Variants in RNF212B observed in about 807,000 individuals in gnomAD.
The protein encoded by RNF212B is E3 ubiquitin-protein ligase RNF212B.
RNF212B carries 52 observed loss-of-function variants against 55.5 expected under a neutral mutation model. That is an observed-to-expected ratio of 0.94 (90% CI 0.75 to 1.18). The LOEUF (loss-of-function observed/expected upper bound fraction) is 1.18, where lower values mean the gene tolerates loss of function less well. RNF212B is among the 50% of genes most tolerant of loss of function. RNF212B has a pLI of 0.00. For missense variants in RNF212B, 289 were observed against 350.4 expected, an observed-to-expected ratio of 0.82 and a Z score of 1.40; for synonymous variants, 99 against 121.4, an observed-to-expected ratio of 0.82 and a Z score of 1.21.
Position 23,258,666 on chromosome 14 carries a change from T to A in RNF212B, c.344+2T>A. The A allele has an allele frequency of 7.3e-7, 1 of 1,374,712 alleles. No individual in the cohort carries two copies. The highest frequency in any genetic ancestry group is 9.8e-7 in the Non-Finnish European group (1 of 1,016,526). 85.2% of individuals were successfully genotyped at this position (1,374,712 alleles called of 1,614,324 possible). ...GCAAGCACTGGTGAGCCAGGACAAG[T>A]AAGTAACAAATCAAGTCCCAAGAGA... On this transcript the variant is annotated splice_donor_variant, in intron 5 of 14. Transcript: ENST00000430154. LOFTEE classifies it high-confidence loss of function.
At chr14:23,236,961 CTT>C (rs1462199563), upstream of RNF212B, among the ~76,000 whole-genome samples, 19 of 137,962 alleles carry the variant, frequency 1.4e-4, no homozygotes, top group Admixed American at 1.5e-4. Flanking sequence ...CTGTCTCTCT[CTT>C]TTTTTTTTTT....
chr14:23,261,142 G>C (rs1399789394), intron 7 of RNF212B, among the ~76,000 whole-genome samples: 2 of 152,152 alleles, frequency 1.3e-5, no homozygotes, highest in Non-Finnish European at 2.9e-5. Flanking sequence ...TAGCAACTTA[G>C]AACTTATGAA....
At chr14:23,191,239 C>A (rs1304399354) in intron 1 of RNF212B, among the ~76,000 whole-genome samples, 4 of 151,868 alleles carry the variant, frequency 2.6e-5, no homozygotes, top group Non-Finnish European at 5.9e-5. Context: ...CACCTGTAGT[C>A]CCAGCTACTT....
intron 2 of RNF212B, among the ~76,000 whole-genome samples, chr14:23,193,621 C>T (rs888859826): frequency 1.3e-5 from 2 of 151,886 alleles, no homozygotes; most frequent in African/African-American, 4.8e-5. Context: ...GAAGAACTAG[C>T]GATAGTGACA....
rs1368872559 is a variant in RNF212B at position 23,230,689 on chromosome 14, G to A, written c.-1-9656G>A. ...AAAAAAAAAAAAAAAAAAAACCATT[G>A]CCAAATACAAGGTCATGAAGATTTT... On this transcript the variant is annotated intron_variant, in intron 2 of 15. Transcript: ENST00000399910. Among the ~76,000 whole-genome samples the A allele has an allele frequency of 3.7e-5, 5 of 134,002 alleles. No homozygotes were observed. The South Asian group carries it at 1.2e-3, about 33-fold the overall frequency. The allele number at this position is 134,002 out of a possible 152,430, so 87.9% of individuals were successfully genotyped here. A position where few individuals can be genotyped will look rare whatever the true frequency, so the allele number is the denominator to read the frequency against.
At chr14:23,223,091 A>T (rs1218131238) in intron 2 of RNF212B, among the ~76,000 whole-genome samples, 1 of 151,540 alleles carries the variant, frequency 6.6e-6, no homozygotes, top group Non-Finnish European at 1.5e-5. Context: ...AAGATTGTTC[A>T]TCATGATCAA....
At chr14:23,238,783 C>CATCATCAT (rs1555316077) in intron 1 of RNF212B, among the ~76,000 whole-genome samples, 6 of 140,404 alleles carry the variant, frequency 4.3e-5, no homozygotes, top group Non-Finnish European at 6.2e-5. Flanking sequence ...TAATAATAAT[C>CATCATCAT]CCACAAAGAA....
chr14:23,202,016 C>T (rs925064470), intron 2 of RNF212B, among the ~76,000 whole-genome samples: 4 of 151,958 alleles, frequency 2.6e-5, no homozygotes, highest in African/African-American at 2.4e-5. Flanking sequence ...TTTGTGAGGC[C>T]GAGGTGGGTG....
chr14:23,240,139 C>T (rs567848161), intron 1 of RNF212B, among the ~76,000 whole-genome samples: 3 of 151,318 alleles, frequency 2.0e-5, no homozygotes, highest in Non-Finnish European at 4.4e-5. Flanking sequence ...AATGTTATAA[C>T]AACCTGCTGT....
intron 2 of RNF212B, among the ~76,000 whole-genome samples, chr14:23,230,545 T>C (rs942039097): frequency 6.7e-6 from 1 of 149,788 alleles, no homozygotes; most frequent in Non-Finnish European, 1.5e-5. Context: ...TCCCAGCTAC[T>C]CGGGAAGCTG....
chr14:23,188,459 G>GA (rs1391398286), intron 1 of RNF212B: 1 of 127,458 alleles, frequency 7.8e-6, no homozygotes, highest in African/African-American at 2.7e-5. Context: ...CAAAGATTAG[G>GA]GTTTTTTTTT....
chr14:23,236,632 T>C (rs1883123099), upstream of RNF212B, among the ~76,000 whole-genome samples: 3 of 152,306 alleles, frequency 2.0e-5, no homozygotes, highest in South Asian at 6.2e-4. Flanking sequence ...TTTCAAATAA[T>C]AAATATTTTA....
intron 2 of RNF212B, among the ~76,000 whole-genome samples, chr14:23,194,475 C>T (rs891224557): frequency 1.1e-4 from 17 of 152,086 alleles, no homozygotes; most frequent in African/African-American, 3.6e-4. Context: ...CAGTGACACA[C>T]ACCTATAATC....
At chr14:23,238,768 A>C (rs1369536259) in intron 1 of RNF212B, among the ~76,000 whole-genome samples, 1,634 of 117,458 alleles carry the variant, frequency 0.014, 24 homozygotes, top group Middle Eastern at 0.043. Context: ...TAATAATAAT[A>C]ATAATAATAA....
At chr14:23,240,570 T>C (rs1479764307) in intron 2 of RNF212B, 125 bp downstream of exon 2, 6 of 555,942 alleles carry the variant, frequency 1.1e-5, no homozygotes, top group Non-Finnish European at 1.9e-5. Flanking sequence ...ATAAAGATAC[T>C]GTAGGAAACT....
chr14:23,264,788 G>T, intron 11 of RNF212B, 117 bp downstream of exon 11: 1 of 464,470 alleles, frequency 2.2e-6, no homozygotes, highest in Non-Finnish European at 3.5e-6. Context: ...TCCTGACAGT[G>T]ATTCCATGTA....
chr14:23,243,312 A>G lies in RNF212B; in HGVS notation c.153+4A>G. Reference sequence around the variant, plus strand: ...GCATCTGGCTCTTTCTGATAATGTAAGTTTTTCTCCCCCTGCCACAAACTG... The same window carrying G: ...GCATCTGGCTCTTTCTGATAATGTAGGTTTTTCTCCCCCTGCCACAAACTG... On this transcript the variant is annotated splice_donor_region_variant and intron_variant, in intron 3 of 14. Coordinates refer to ENST00000430154, the MANE Select transcript of RNF212B (RefSeq NM_001282322.3). 1 of 1,549,542 alleles carries G rather than the reference A, an allele frequency of 6.5e-7. No individual in the cohort carries two copies. The highest frequency in any genetic ancestry group is 1.2e-5 in the South Asian group (1 of 83,994).
chr14:23,232,787 G>A lies in RNF212B; in HGVS notation c.-1-7558G>A, dbSNP rs530020452. 3.0e-3 allele frequency among the ~76,000 whole-genome samples: 436 copies of A among 147,716 alleles called. 4 individuals are homozygous for A. Among genetic ancestry groups the A allele is most frequent in the African/African-American group, 0.01 (413 of 40,466 alleles). On this transcript the variant is annotated intron_variant, in intron 2 of 15. Transcript: ENST00000399910. ...GCCGCCCCGTCTGGGAGGGAGGTGG[G>A]GGGGGGGTCAGCCTCTGCCCGGCCG... is the stretch of plus-strand genomic sequence containing the variant.
Position 23,272,820 on chromosome 14 carries a change from C to T in RNF212B, c.835-3C>T, listed in dbSNP as rs1369810272. 6.5e-7 allele frequency: 1 copy of T among 1,546,272 alleles called. No individual in the cohort carries two copies. Among genetic ancestry groups the T allele is most frequent in the Non-Finnish European group, 8.7e-7 (1 of 1,143,696 alleles). ...ACATCTACCTTCTTGTCCTCTGCTG[C>T]AGACTCTCTACCAACAACGGAGGCA... On this transcript the variant is annotated splice_polypyrimidine_tract_variant and splice_region_variant and intron_variant, in intron 14 of 14. Transcript: ENST00000430154.
Sources: gnomAD v4.1 joint callset for allele counts (sites outside exome capture counted in the v4.1 genomes callset) on GRCh38, gnomAD v4.1.1 for gene constraint, MANE v1.5 for transcripts, NCBI Gene and HGNC (gene_info 2026-07-23, HGNC 2026-07-21) for gene names.